TAFA1: variants seen among roughly 807,000 people sequenced by gnomAD.
TAFA1 encodes the protein chemokine-like protein TAFA-1.
Under a neutral mutation model 18.5 loss-of-function variants are expected in TAFA1, and 4 were observed. The observed-to-expected ratio is 0.22, with a 90% CI of 0.11 to 0.49. The LOEUF (loss-of-function observed/expected upper bound fraction) is 0.49. Among genes scored for constraint, TAFA1 ranks in the 20% least tolerant of loss-of-function variants. The pLI is 0.98. For missense variants in TAFA1, 147 were observed against 169.0 expected (o/e 0.87, Z 0.72); for synonymous variants, 56 against 55.2 (o/e 1.01, Z -0.06).
At chr3:68,154,725 G>C (rs548658649) in intron 2 of TAFA1, among the ~76,000 whole-genome samples, 15 of 152,042 alleles carry the variant, frequency 9.9e-5, no homozygotes, top group Non-Finnish European at 1.8e-4. Context: ...CCCTGCCTTG[G>C]GGGTAGTTCT....
intron 3 of TAFA1, among the ~76,000 whole-genome samples, chr3:68,480,788 C>T (rs2072220245): frequency 1.3e-5 from 2 of 152,194 alleles, no homozygotes; most frequent in Non-Finnish European, 2.9e-5. Flanking sequence ...GCTGTGTCCC[C>T]ACCCAAGTCT....
At chr3:68,237,308 G>A (rs1240273619) in intron 2 of TAFA1, among the ~76,000 whole-genome samples, 4 of 152,132 alleles carry the variant, frequency 2.6e-5, no homozygotes, top group African/African-American at 9.7e-5. Flanking sequence ...CATTTGTGAG[G>A]GCAGAGCTCT....
chr3:68,512,883 C>G (rs1261634655), intron 3 of TAFA1, among the ~76,000 whole-genome samples: 1 of 152,064 alleles, frequency 6.6e-6, no homozygotes, highest in African/African-American at 2.4e-5. Context: ...GAAAAAAATT[C>G]ACCTTTGGAG....
chr3:68,409,686 C>T (rs17047635), intron 2 of TAFA1, among the ~76,000 whole-genome samples: 3,832 of 152,206 alleles, frequency 0.025, 78 homozygotes, highest in East Asian at 0.093. Context: ...GCAAAAGATA[C>T]TACTGAATGT....
chr3:68,437,332 G>C (rs550842135), intron 3 of TAFA1, among the ~76,000 whole-genome samples: 7 of 152,154 alleles, frequency 4.6e-5, no homozygotes. Flanking sequence ...AGAGAATATA[G>C]TTTAAAATAG....
At chr3:68,423,061 A>G (rs958513989) in intron 3 of TAFA1, among the ~76,000 whole-genome samples, 1 of 152,110 alleles carries the variant, frequency 6.6e-6, no homozygotes, top group Admixed American at 6.6e-5. Flanking sequence ...TTTAAAACAA[A>G]CAAAAATAAA....
chr3:68,305,901 A>G (rs992156409), intron 2 of TAFA1, among the ~76,000 whole-genome samples: 1 of 152,198 alleles, frequency 6.6e-6, no homozygotes, highest in Non-Finnish European at 1.5e-5. Flanking sequence ...TGATAACACT[A>G]CAAGGCAGCT....
At chr3:68,120,619 C>A (rs1481087415) in intron 2 of TAFA1, among the ~76,000 whole-genome samples, 1 of 152,134 alleles carries the variant, frequency 6.6e-6, no homozygotes, top group Admixed American at 6.6e-5. Flanking sequence ...CCTCATCTTA[C>A]CTGTGGTGAG....
chr3:68,257,374 C>T (rs1234706248), intron 2 of TAFA1, among the ~76,000 whole-genome samples: 2 of 151,554 alleles, frequency 1.3e-5, no homozygotes, highest in African/African-American at 4.8e-5. Flanking sequence ...TTTCTATATG[C>T]TTGTTTAACC....
intron 3 of TAFA1, among the ~76,000 whole-genome samples, chr3:68,438,533 A>G (rs73111015): frequency 0.12 from 18,842 of 152,014 alleles, 1,606 homozygotes; most frequent in East Asian, 0.34. Flanking sequence ...CTCTACAGTT[A>G]TGGGGTCTTG....
At chr3:68,425,887 C>A (rs185924427) in intron 3 of TAFA1, among the ~76,000 whole-genome samples, 1 of 151,790 alleles carries the variant, frequency 6.6e-6, no homozygotes, top group Admixed American at 6.6e-5. Flanking sequence ...AAATGGGACA[C>A]TCCAGTTTCC....
At chr3:68,273,799 T>G (rs2067727325) in intron 2 of TAFA1, among the ~76,000 whole-genome samples, 1 of 152,172 alleles carries the variant, frequency 6.6e-6, no homozygotes, top group Non-Finnish European at 1.5e-5. Context: ...AATATTCCAG[T>G]CTTATCCCTG....
intron 2 of TAFA1, among the ~76,000 whole-genome samples, chr3:68,146,249 A>T (rs752373852): frequency 6.6e-6 from 1 of 152,206 alleles, no homozygotes; most frequent in African/African-American, 2.4e-5. Context: ...AGATTCTGCC[A>T]TTCCTAACAA....
At chr3:68,220,646 C>A (rs2066718136) in intron 2 of TAFA1, among the ~76,000 whole-genome samples, 2 of 152,198 alleles carry the variant, frequency 1.3e-5, no homozygotes, top group Middle Eastern at 3.4e-3. Flanking sequence ...CCATCACCAC[C>A]TCCAAGATAC....
intron 3 of TAFA1, among the ~76,000 whole-genome samples, chr3:68,504,298 C>T (rs2072711453): frequency 6.6e-6 from 1 of 152,106 alleles, no homozygotes; most frequent in Non-Finnish European, 1.5e-5. Context: ...GTGTTGAAAG[C>T]CAGCAGGGCC....
At chr3:68,356,548 T>C (rs1233143040) in intron 2 of TAFA1, among the ~76,000 whole-genome samples, 4 of 151,816 alleles carry the variant, frequency 2.6e-5, no homozygotes, top group Non-Finnish European at 4.4e-5. Flanking sequence ...AGTGAGCACT[T>C]AACCGTGTAC....
intron 2 of TAFA1, among the ~76,000 whole-genome samples, chr3:68,244,614 A>G (rs1160889779): frequency 2.0e-5 from 3 of 152,026 alleles, no homozygotes; most frequent in Non-Finnish European, 4.4e-5. Context: ...GGCCTCAAGA[A>G]ATCCACCCAC....
intron 2 of TAFA1, among the ~76,000 whole-genome samples, chr3:68,386,310 G>T (rs1325742746): frequency 6.6e-6 from 1 of 152,138 alleles, no homozygotes; most frequent in Non-Finnish European, 1.5e-5. Context: ...TGACACTACA[G>T]TTCACAATCG....
rs144420285 is a variant in TAFA1, at chr3:68,424,239, G to A, written c.259+6819G>A. Among the ~76,000 whole-genome samples the A allele has an allele frequency of 3.6e-3, 547 of 151,946 alleles. 1 individual carries two copies. Among genetic ancestry groups the A allele is most frequent in the Admixed American group, 5.6e-3 (85 of 15,224 alleles). On this transcript the variant is annotated intron_variant, in intron 3 of 4. Coordinates refer to ENST00000478136, the MANE Select transcript of TAFA1 (RefSeq NM_213609.4). ...CAGAGAAGACATACATAAAGACTTCGACCCAGGAAAACAGACTGACAGAGA... is the reference window on the plus strand; with the variant it reads ...CAGAGAAGACATACATAAAGACTTCAACCCAGGAAAACAGACTGACAGAGA...
Sources: allele counts gnomAD v4.1 joint callset (sites outside exome capture counted in the v4.1 genomes callset), GRCh38; gene constraint gnomAD v4.1.1; transcripts MANE v1.5; gene names NCBI Gene and HGNC (gene_info 2026-07-23, HGNC 2026-07-21).